The following DNAI3 variants were observed in gnomAD, a reference collection of about 807,000 sequenced individuals.
DNAI3 encodes the protein dynein axonemal intermediate chain 3.
In DNAI3, 83 loss-of-function variants were observed where a neutral mutation model predicts 115.5. The observed-to-expected ratio is 0.72, with a 90% CI of 0.60 to 0.86. DNAI3 has a LOEUF of 0.86. DNAI3 is among the 40% of genes least tolerant of loss of function. The pLI, the probability that DNAI3 is intolerant of heterozygous loss-of-function variation, is 0.00. For synonymous variants in DNAI3, 320 were observed against 347.0 expected (o/e 0.92, Z 0.86); for missense variants, 1,004 against 1,075.8 (o/e 0.93, Z 0.93).
intron 13 of DNAI3, among the ~76,000 whole-genome samples, chr1:85,102,582 A>C (rs1410724221): frequency 1.3e-5 from 2 of 152,218 alleles, no homozygotes; most frequent in Non-Finnish European, 2.9e-5. Context: ...TAATATGTTA[A>C]AAAGAATAAA....
At position 85,062,396 on chromosome 1, in the gene DNAI3, G is replaced by A. The variant is rs1051186146; in HGVS notation, c.-105G>A. Reference sequence around the variant, plus strand: ...CCTTGCGATTTCTTTTTCTGAGAGAGGAGAGTCAAACTCCCACCTCCAGCT... The same window carrying A: ...CCTTGCGATTTCTTTTTCTGAGAGAAGAGAGTCAAACTCCCACCTCCAGCT... On this transcript the variant is annotated 5_prime_UTR_variant, in exon 1 of 23. Transcript: ENST00000294664. 1 of 152,214 alleles carries A rather than the reference G, an allele frequency of 6.6e-6. No individual in the cohort carries two copies. The highest frequency in any genetic ancestry group is 1.5e-5 in the Non-Finnish European group (1 of 68,050). The allele number at this position is 152,214 out of a possible 1,614,324, so 9.4% of individuals were successfully genotyped here.
intron 17 of DNAI3, among the ~76,000 whole-genome samples, chr1:85,118,767 C>A (rs2100608752): frequency 6.6e-6 from 1 of 152,152 alleles, no homozygotes; most frequent in African/African-American, 2.4e-5. Flanking sequence ...AACACCAACA[C>A]CAGTCCAGAG....
At chr1:85,111,277 T>G (rs1194187069) in intron 16 of DNAI3, among the ~76,000 whole-genome samples, 1 of 152,216 alleles carries the variant, frequency 6.6e-6, no homozygotes, top group Middle Eastern at 3.2e-3. Context: ...GTCAAAGCAT[T>G]ATTAAAACAT....
At chr1:85,130,280 T>G (rs952147712) in intron 22 of DNAI3, 168 bp downstream of exon 22, 4 of 975,382 alleles carry the variant, frequency 4.1e-6, no homozygotes, top group Non-Finnish European at 6.0e-6. Flanking sequence ...TCACTGCCAG[T>G]TAGACACGTA....
chr1:85,113,801 G>A (rs1337972786), intron 16 of DNAI3, among the ~76,000 whole-genome samples: 1 of 152,070 alleles, frequency 6.6e-6, no homozygotes, highest in Non-Finnish European at 1.5e-5. Context: ...CTAACAAAAT[G>A]AGTCTTCTAA....
chr1:85,118,903 CA>C (rs1655909883), intron 17 of DNAI3, among the ~76,000 whole-genome samples: 1 of 151,796 alleles, frequency 6.6e-6, no homozygotes, highest in Admixed American at 6.6e-5. Flanking sequence ...ACAGCCTGAA[CA>C]ATATTTGGAG....
At chr1:85,084,511 G>A (rs369217126) in intron 5 of DNAI3, 35 bp from the exon 6 acceptor site, 50 of 1,323,942 alleles carry the variant, frequency 3.8e-5, no homozygotes, top group Non-Finnish European at 4.9e-5. Flanking sequence ...CTAAACTTGG[G>A]CATACATTGT....
In DNAI3 at chr1:85,124,124, A is replaced by G; in HGVS notation, c.1985A>G (p.Lys662Arg). ...KDPETGRLMS[K>R]KPVSHHTIHD... ...TGGTCTTCTTTCACTCCAATAGCAA[A>G]GAAGCCAGTGAGCCACCACACCATT... Residue 662 changes from lysine (K) to arginine (R), a missense_variant, in exon 19 of 23, where the codon AAG (lysine) becomes AGG (arginine). Lys to Arg is a conservative substitution (Grantham distance 26). Around this residue, in one of 3 missense-constraint regions of DNAI3, gnomAD observed 429 missense variants for 454.3 expected, o/e 0.94. Coordinates refer to ENST00000294664, the MANE Select transcript of DNAI3 (RefSeq NM_145172.5). The G allele has an allele frequency of 6.2e-7, 1 of 1,614,130 alleles. No individual in the cohort carries two copies. Among genetic ancestry groups the G allele is most frequent in the South Asian group, 1.1e-5 (1 of 91,084 alleles).
rs1049853007 is a variant in DNAI3, at chr1:85,077,678, G to C, written c.104-3556G>C. ...TGGTTACTTGGGGTTACTTAGGGAT[G>C]AAGGAGGTGTATTGGAAGGCAGGGG... On this transcript the variant is annotated intron_variant, in intron 3 of 22. Transcript: ENST00000294664. 2.0e-5 allele frequency among the ~76,000 whole-genome samples: 3 copies of C among 152,266 alleles called. No individual in the cohort carries two copies. The South Asian group carries it at 6.2e-4, about 32-fold the overall frequency.
intron 16 of DNAI3, among the ~76,000 whole-genome samples, chr1:85,114,070 G>A (rs1006546298): frequency 4.1e-5 from 6 of 144,962 alleles, no homozygotes; most frequent in Admixed American, 1.4e-4. Context: ...CTAGAGTGCA[G>A]TGGTATGACC....
chr1:85,105,528 C>CAAAAAAAAAAAA (rs755945527), intron 14 of DNAI3, among the ~76,000 whole-genome samples: 3 of 51,700 alleles, frequency 5.8e-5, no homozygotes, highest in African/African-American at 9.2e-5. Context: ...AACTCTGTCT[C>CAAAAAAAAAAAA]AAAAAAAAAA....
At chr1:85,104,378 A>T (rs542453507) in intron 13 of DNAI3, 146 bp from the exon 14 acceptor site, 7 of 600,524 alleles carry the variant, frequency 1.2e-5, no homozygotes, top group African/African-American at 5.5e-5. Context: ...GCCTCAGCCT[A>T]TCAGAATGCT....
intron 22 of DNAI3, among the ~76,000 whole-genome samples, chr1:85,131,458 A>AAT (rs1553168577): frequency 6.7e-6 from 1 of 148,658 alleles, no homozygotes; most frequent in African/African-American, 2.5e-5. Flanking sequence ...AAAAAAAAAA[A>AAT]AAAAATAAAG....
intron 16 of DNAI3, among the ~76,000 whole-genome samples, chr1:85,115,258 T>C (rs1007162944): frequency 6.6e-6 from 1 of 152,250 alleles, no homozygotes; most frequent in Admixed American, 6.5e-5. Flanking sequence ...AAATGAGTTA[T>C]ACACGAAGCT....
chr1:85,070,581 G>C (rs1053956686), intron 1 of DNAI3, among the ~76,000 whole-genome samples: 1 of 152,082 alleles, frequency 6.6e-6, no homozygotes, highest in South Asian at 2.1e-4. Flanking sequence ...GAAAATTATA[G>C]TTAACCATAA....
At chr1:85,115,950 C>T (rs1486806279) in intron 16 of DNAI3, among the ~76,000 whole-genome samples, 2 of 152,194 alleles carry the variant, frequency 1.3e-5, no homozygotes, top group Non-Finnish European at 2.9e-5. Context: ...GACCCCTGCT[C>T]TACCACATTA....
intron 16 of DNAI3, among the ~76,000 whole-genome samples, chr1:85,111,862 A>G (rs776597228): frequency 6.6e-5 from 10 of 152,084 alleles, no homozygotes; most frequent in Non-Finnish European, 8.8e-5. Context: ...ATATGTACAC[A>G]CCCATGAAAC....
chr1:85,074,344 T>C (rs987700357), intron 3 of DNAI3, among the ~76,000 whole-genome samples: 6 of 152,200 alleles, frequency 3.9e-5, no homozygotes, highest in African/African-American at 1.2e-4. Flanking sequence ...TTCTTTGCCA[T>C]TGGGCACAAC....
Position 85,090,097 on chromosome 1 carries a change from T to C in DNAI3, c.741-19T>C, listed in dbSNP as rs761209093. On this transcript the variant is annotated intron_variant, in intron 7 of 22. Coordinates refer to ENST00000294664, the MANE Select transcript of DNAI3 (RefSeq NM_145172.5). ...CTTTGACCTAATCTTTAGTATTGAA[T>C]TTTCTTTTAATATATTAGGACATAT... is the stretch of plus-strand genomic sequence containing the variant. 4.3e-6 allele frequency: 6 copies of C among 1,384,320 alleles called. No homozygotes were observed. The East Asian group carries it at 1.5e-4, about 34-fold the overall frequency. The allele number at this position is 1,384,320 out of a possible 1,614,324, so 85.8% of individuals were successfully genotyped here.
Sources: gnomAD v4.1 joint callset for allele counts (sites outside exome capture counted in the v4.1 genomes callset) on GRCh38, gnomAD v4.1.1 for gene constraint, gnomAD v4.1.1 regional missense constraint, MANE v1.5 for transcripts, NCBI Gene and HGNC (gene_info 2026-07-23, HGNC 2026-07-21) for gene names.